MYO9A: variants seen among roughly 807,000 people sequenced by gnomAD.
MYO9A encodes unconventional myosin-IXa.
Under a neutral mutation model 293.3 loss-of-function variants are expected in MYO9A, and 103 were observed. The observed-to-expected ratio is 0.35, with a 90% CI of 0.30 to 0.41. The LOEUF is 0.41. Ranked by LOEUF, MYO9A falls within the 10% of genes least tolerant of loss-of-function variation. The pLI is 1.00. For missense variants in MYO9A, 2,685 were observed against 3,033.0 expected (o/e 0.89, Z 2.69); for synonymous variants, 1,001 against 1,035.7 (o/e 0.97, Z 0.64).
chr15:72,069,124 T>C lies in MYO9A; in HGVS notation c.-71-22490A>G, dbSNP rs563151248. ...ACTGCCTCATAGCTGATAAGGTATA[T>C]ATCATATCTCCTTTATGAACTCACA... On this transcript the variant is annotated intron_variant, in intron 1 of 41. Transcript: ENST00000356056. Among the ~76,000 whole-genome samples, 6 of 152,322 alleles carry C rather than the reference T, an allele frequency of 3.9e-5. No homozygotes were observed. In the South Asian group the frequency reaches 6.2e-4, roughly 16 times the overall value.
chr15:71,869,338 A>T (rs2056435904), intron 32 of MYO9A, among the ~76,000 whole-genome samples: 1 of 152,154 alleles, frequency 6.6e-6, no homozygotes, highest in South Asian at 2.1e-4. Context: ...TTCTTCTGTG[A>T]TGTTTCATGC....
chr15:71,925,418 T>G (rs1274657164), intron 18 of MYO9A, among the ~76,000 whole-genome samples: 4 of 151,216 alleles, frequency 2.6e-5, no homozygotes, highest in Admixed American at 1.3e-4. Context: ...CATATCTATG[T>G]ATATGTATAT....
intron 39 of MYO9A, among the ~76,000 whole-genome samples, chr15:71,837,265 T>C (rs867422139): frequency 6.6e-6 from 1 of 152,036 alleles, no homozygotes; most frequent in Admixed American, 6.6e-5. Context: ...AAACACTTAA[T>C]GGGATAAAAT....
rs1482669422 is a variant in MYO9A, at chr15:71,830,112, T to TA, written c.7036_7037insT (p.Glu2346ValfsTer8). On this transcript the variant is annotated frameshift_variant, in exon 40 of 42. Transcript: ENST00000356056. LOFTEE classifies it high-confidence loss of function. ...CCCCTTCCTCCTGGATACTCACTTC[T>TA]CCTTCTGTAGGTTCTCAATCTGCTC... 6.2e-7 allele frequency: 1 copy of TA among 1,613,892 alleles called. No individual in the cohort carries two copies. Among genetic ancestry groups the TA allele is most frequent in the South Asian group, 1.1e-5 (1 of 91,046 alleles).
At chr15:71,998,550 C>CTTTTTT (rs765185033) in intron 9 of MYO9A, among the ~76,000 whole-genome samples, 1 of 106,188 alleles carries the variant, frequency 9.4e-6, no homozygotes, top group Non-Finnish European at 1.8e-5. Context: ...ATTTGGCTTT[C>CTTTTTT]TTTTTTTTTT....
chr15:72,015,771 T>C (rs1323613417), intron 6 of MYO9A, among the ~76,000 whole-genome samples: 3 of 143,726 alleles, frequency 2.1e-5, no homozygotes, highest in Non-Finnish European at 4.5e-5. Flanking sequence ...CACTGCAAAC[T>C]CTGCCTCCCG....
intron 8 of MYO9A, 45 bp from the exon 9 acceptor site, chr15:71,999,985 T>C (rs370148137): frequency 2.2e-5 from 32 of 1,480,446 alleles, no homozygotes; most frequent in South Asian, 1.8e-4. Context: ...TTTATGACAA[T>C]AGGTTGAATT....
chr15:71,960,749 T>C (rs2147004851), intron 13 of MYO9A, among the ~76,000 whole-genome samples: 1 of 152,336 alleles, frequency 6.6e-6, no homozygotes, highest in African/African-American at 2.4e-5. Context: ...TTATAGCAGC[T>C]TGTTAAACTC....
intron 7 of MYO9A, among the ~76,000 whole-genome samples, chr15:72,009,192 T>C (rs1054211950): frequency 6.6e-6 from 1 of 152,184 alleles, no homozygotes; most frequent in African/African-American, 2.4e-5. Flanking sequence ...CTTTTAAAAA[T>C]GATTTTTAAT....
At chr15:71,908,535 T>TA (rs1225131867) in intron 19 of MYO9A, among the ~76,000 whole-genome samples, 1 of 152,224 alleles carries the variant, frequency 6.6e-6, no homozygotes, top group African/African-American at 2.4e-5. Flanking sequence ...GATTTAGGGC[T>TA]ACCAATTTTA....
chr15:72,019,796 C>T (rs2077448687), intron 5 of MYO9A, among the ~76,000 whole-genome samples: 1 of 152,176 alleles, frequency 6.6e-6, no homozygotes, highest in Non-Finnish European at 1.5e-5. Context: ...GTTGCCCAGG[C>T]TGGAGTGCGG....
rs758326007 is a variant in MYO9A at position 72,046,537 on chromosome 15, T to G, written c.27A>C (p.Arg9=). MNINDGGR[R]RFEDNEHTLR... ...ATGTATGTTCATTATCTTCAAAGCG[T>G]CGTCTTCCTCCATCATTTATATTCA... Residue 9 remains arginine (R), a synonymous_variant, in exon 2 of 42, where the codon CGA becomes CGC. Coordinates refer to ENST00000356056, the MANE Select transcript of MYO9A (RefSeq NM_006901.4). The G allele has an allele frequency of 1.2e-6, 2 of 1,603,912 alleles. No individual in the cohort carries two copies. The highest frequency in any genetic ancestry group is 1.7e-5 in the Admixed American group (1 of 58,664).
At chr15:72,083,948 G>C (rs1422388293) in intron 1 of MYO9A, among the ~76,000 whole-genome samples, 1 of 152,220 alleles carries the variant, frequency 6.6e-6, no homozygotes, top group East Asian at 1.9e-4. Flanking sequence ...GCCATGTGGT[G>C]ATGAGAAGAA....
intron 13 of MYO9A, among the ~76,000 whole-genome samples, chr15:71,965,652 T>C (rs2075853855): frequency 6.6e-6 from 1 of 152,084 alleles, no homozygotes; most frequent in African/African-American, 2.4e-5. Flanking sequence ...AGGCAGAGAA[T>C]CGCTTAAACC....
chr15:71,864,102 A>G (rs553708178), intron 32 of MYO9A, among the ~76,000 whole-genome samples: 4 of 152,336 alleles, frequency 2.6e-5, no homozygotes, highest in Non-Finnish European at 5.9e-5. Flanking sequence ...TTATATTAGA[A>G]TGTTATGTAA....
intron 10 of MYO9A, among the ~76,000 whole-genome samples, chr15:71,993,151 G>A (rs1289406729): frequency 1.3e-5 from 2 of 152,078 alleles, no homozygotes; most frequent in Non-Finnish European, 2.9e-5. Context: ...AGGTGTTCGA[G>A]ACCAGCCTGG....
chr15:71,903,797 C>T (rs140258302), intron 21 of MYO9A, 132 bp downstream of exon 21: 100 of 738,154 alleles, frequency 1.4e-4, no homozygotes, highest in Non-Finnish European at 1.9e-4. Flanking sequence ...TTTTCAATTC[C>T]GTATACAAAA....
chr15:72,056,205 A>C (rs977865583), intron 1 of MYO9A, among the ~76,000 whole-genome samples: 1 of 152,320 alleles, frequency 6.6e-6, no homozygotes, highest in Middle Eastern at 3.4e-3. Flanking sequence ...TCCAACCTGC[A>C]CAACAGGGTA....
chr15:71,866,318 T>C lies in MYO9A; in HGVS notation c.5980-3707A>G, dbSNP rs183903801. 1.1e-4 allele frequency among the ~76,000 whole-genome samples: 17 copies of C among 152,294 alleles called. No homozygotes were observed. The South Asian group carries it at 1.9e-3, about 17-fold the overall frequency. ...AAATGATCTAGTACAAAAGGATATA[T>C]GTTATACTGTTAACTATAGTGATTA... On this transcript the variant is annotated intron_variant, in intron 32 of 41. Coordinates refer to ENST00000356056, the MANE Select transcript of MYO9A (RefSeq NM_006901.4).
Sources: gnomAD v4.1 joint callset for allele counts (sites outside exome capture counted in the v4.1 genomes callset) on GRCh38, gnomAD v4.1.1 for gene constraint, MANE v1.5 for transcripts, NCBI Gene and HGNC (gene_info 2026-07-23, HGNC 2026-07-21) for gene names.